The following SPAG16 variants were observed in gnomAD, a reference collection of about 807,000 sequenced individuals.
SPAG16 encodes the protein sperm-associated antigen 16 protein.
Under a neutral mutation model 80.4 loss-of-function variants are expected in SPAG16, and 86 were observed. The ratio of observed to expected loss-of-function variants is 1.07; its 90% confidence interval spans 0.90 to 1.28. SPAG16 has a LOEUF of 1.28. Ranked by LOEUF, SPAG16 falls within the 50% of genes most tolerant of loss-of-function variation. The pLI is 0.00. For missense variants in SPAG16, 870 were observed against 765.3 expected, an observed-to-expected ratio of 1.14 and a Z score of -1.61; for synonymous variants, 294 against 265.9, an observed-to-expected ratio of 1.11 and a Z score of -1.03.
chr2:213,685,417 A>G (rs535150609), intron 10 of SPAG16, among the ~76,000 whole-genome samples: 3 of 152,364 alleles, frequency 2.0e-5, no homozygotes, highest in Non-Finnish European at 4.4e-5. Flanking sequence ...AAGCCAGGAA[A>G]GAGGCCTGGA....
chr2:214,011,101 TTAATA>T (rs148445713), intron 12 of SPAG16, among the ~76,000 whole-genome samples: 4,804 of 145,438 alleles, frequency 0.033, 978 homozygotes, highest in African/African-American at 0.12. Context: ...ATTTACCATT[TTAATA>T]TAATAGGAAT....
At chr2:213,658,872 C>A (rs945883464) in intron 10 of SPAG16, among the ~76,000 whole-genome samples, 2 of 152,166 alleles carry the variant, frequency 1.3e-5, no homozygotes. Context: ...CCTGTCTCTA[C>A]TAAAAATGCA....
At chr2:214,378,801 G>T (rs1479758491) in intron 15 of SPAG16, among the ~76,000 whole-genome samples, 1 of 152,222 alleles carries the variant, frequency 6.6e-6, no homozygotes, top group Non-Finnish European at 1.5e-5. Flanking sequence ...TAAACAAATT[G>T]CAGGGACACT....
At chr2:214,139,494 A>G (rs1260919881) in intron 14 of SPAG16, among the ~76,000 whole-genome samples, 1 of 151,866 alleles carries the variant, frequency 6.6e-6, no homozygotes, top group Non-Finnish European at 1.5e-5. Context: ...TTCATCATAT[A>G]TTAATTATTT....
intron 13 of SPAG16, among the ~76,000 whole-genome samples, chr2:214,092,506 AATAT>A (rs59378417): frequency 1.4e-5 from 2 of 147,778 alleles, no homozygotes. Context: ...TATATATATA[AATAT>A]ATATATATAT....
At chr2:213,796,208 T>C (rs2125623612) in intron 10 of SPAG16, among the ~76,000 whole-genome samples, 1 of 152,276 alleles carries the variant, frequency 6.6e-6, no homozygotes, top group African/African-American at 2.4e-5. Flanking sequence ...ATTTTAATTC[T>C]ACAATGTAAG....
At chr2:213,994,573 C>T (rs1034971518) in intron 12 of SPAG16, among the ~76,000 whole-genome samples, 4 of 132,198 alleles carry the variant, frequency 3.0e-5, no homozygotes, top group Non-Finnish European at 6.3e-5. Flanking sequence ...AATGATTTTC[C>T]ATCCTTTTTT....
At chr2:213,335,952 A>G (rs1368706165) in intron 5 of SPAG16, among the ~76,000 whole-genome samples, 2 of 152,126 alleles carry the variant, frequency 1.3e-5, no homozygotes, top group Non-Finnish European at 2.9e-5. Context: ...GCTCCCACCA[A>G]GAAGGATGAA....
chr2:214,309,231 G>A (rs1390894119), intron 15 of SPAG16, among the ~76,000 whole-genome samples: 1 of 151,886 alleles, frequency 6.6e-6, no homozygotes, highest in Admixed American at 6.6e-5. Context: ...TTTAAGTTCT[G>A]TCAGGGTGGC....
intron 13 of SPAG16, among the ~76,000 whole-genome samples, chr2:214,091,072 A>T (rs1334304921): frequency 6.6e-6 from 1 of 152,104 alleles, no homozygotes; most frequent in African/African-American, 2.4e-5. Flanking sequence ...GAAATCTGTG[A>T]TACATAAAAA....
At chr2:213,347,088 T>C (rs1290819029) in intron 6 of SPAG16, among the ~76,000 whole-genome samples, 5 of 152,220 alleles carry the variant, frequency 3.3e-5, no homozygotes. Context: ...ATTCAGAGAT[T>C]CAACTTCTTC....
chr2:213,575,314 T>C (rs1272509178), intron 10 of SPAG16, among the ~76,000 whole-genome samples: 1 of 152,182 alleles, frequency 6.6e-6, no homozygotes, highest in Non-Finnish European at 1.5e-5. Context: ...AGCAATACTT[T>C]ATCCTTTTAT....
chr2:214,285,184 C>T (rs1693261341), intron 15 of SPAG16, among the ~76,000 whole-genome samples: 1 of 152,042 alleles, frequency 6.6e-6, no homozygotes, highest in African/African-American at 2.4e-5. Flanking sequence ...GGAGATGATA[C>T]CTCATTGTGG....
chr2:213,500,907 G>C (rs926936855), intron 10 of SPAG16, among the ~76,000 whole-genome samples: 1 of 152,208 alleles, frequency 6.6e-6, no homozygotes, highest in African/African-American at 2.4e-5. Flanking sequence ...AAAGGGATAA[G>C]AAAGTTGAAA....
At chr2:214,308,288 T>C (rs10172390) in intron 15 of SPAG16, among the ~76,000 whole-genome samples, 35,582 of 151,924 alleles carry the variant, frequency 0.23, 4,330 homozygotes, top group East Asian at 0.35. Context: ...GGTCACTGCA[T>C]GTGAGACGGA....
chr2:213,343,217 A>G (rs973495825), intron 6 of SPAG16, among the ~76,000 whole-genome samples: 1 of 152,114 alleles, frequency 6.6e-6, no homozygotes, highest in Non-Finnish European at 1.5e-5. Context: ...GACCAGCCAT[A>G]AGGGAAGTAA....
At chr2:213,781,851 A>C (rs997185167) in intron 10 of SPAG16, among the ~76,000 whole-genome samples, 2 of 152,222 alleles carry the variant, frequency 1.3e-5, no homozygotes, top group Non-Finnish European at 2.9e-5. Context: ...AAAGAATGAT[A>C]AAACTTAATC....
At chr2:214,304,010 A>T (rs191526441) in intron 15 of SPAG16, among the ~76,000 whole-genome samples, 13 of 151,592 alleles carry the variant, frequency 8.6e-5, no homozygotes, top group African/African-American at 3.1e-4. Context: ...CTCTCCTCCC[A>T]CCCTCCACCT....
chr2:214,078,889 A>G (rs1375143878), intron 13 of SPAG16, among the ~76,000 whole-genome samples: 1 of 152,194 alleles, frequency 6.6e-6, no homozygotes, highest in Non-Finnish European at 1.5e-5. Context: ...AAACCATACA[A>G]TCACTAATTC....
Sources: gnomAD v4.1 joint callset for allele counts (sites outside exome capture counted in the v4.1 genomes callset) on GRCh38, gnomAD v4.1.1 for gene constraint, MANE v1.5 for transcripts, NCBI Gene and HGNC (gene_info 2026-07-23, HGNC 2026-07-21) for gene names.